CACTIN: variants seen among roughly 807,000 people sequenced by gnomAD.
The protein encoded by CACTIN is cactin, spliceosome C complex subunit, also known as splicing factor Cactin.
A neutral mutation model predicts 84.9 loss-of-function variants in CACTIN; 20 were observed. The observed-to-expected ratio is 0.24, with a 90% CI of 0.17 to 0.34. CACTIN has a LOEUF of 0.34. Among genes scored for constraint, CACTIN ranks in the 10% least tolerant of loss-of-function variants. The probability of loss-of-function intolerance (pLI) is 1.00; values close to 1 mark genes in which losing one functional copy is unlikely to be tolerated. For synonymous variants in CACTIN, 549 were observed against 467.9 expected (o/e 1.17, Z -2.24); for missense variants, 897 against 1,117.2 (o/e 0.80, Z 2.81).
intron 1 of CACTIN, among the ~76,000 whole-genome samples, chr19:3,626,014 G>C (rs1445424088): frequency 6.6e-6 from 1 of 152,064 alleles, no homozygotes; most frequent in East Asian, 1.9e-4. Flanking sequence ...CCCTCCCACA[G>C]CCCACCTCCA....
rs941191891 is a variant in CACTIN, at chr19:3,612,718, C to T, written c.1787-305G>A. ...GGCCTGGCTGCGGGATCCAGCCCCA[C>T]GCATGACCCCCGAGGGGGTCCTGGC... On this transcript the variant is annotated intron_variant, in intron 9 of 9. Coordinates refer to ENST00000429344, the MANE Select transcript of CACTIN (RefSeq NM_001080543.2). 4.4e-5 allele frequency: 31 copies of T among 696,986 alleles called. No individual in the cohort carries two copies. In the African/African-American group the frequency reaches 4.5e-4, roughly 10 times the overall value. 43.2% of individuals were successfully genotyped at this position (696,986 alleles called of 1,614,324 possible).
At chr19:3,619,621 C>T (rs894131167) in intron 4 of CACTIN, among the ~76,000 whole-genome samples, 3 of 152,158 alleles carry the variant, frequency 2.0e-5, no homozygotes, top group Non-Finnish European at 4.4e-5. Flanking sequence ...CTTGCAACCA[C>T]CTCCTCCCCC....
At position 3,613,170 on chromosome 19, in the gene CACTIN, C is replaced by T. The variant is rs1488928224; in HGVS notation, c.1674G>A (p.Arg558=). 1 of 1,611,142 alleles carries T rather than the reference C, an allele frequency of 6.2e-7. No individual in the cohort carries two copies. The change falls in exon 9 of 10, where the codon AGG becomes AGA. Residue 558 remains arginine, a synonymous_variant. Coordinates refer to ENST00000429344, the MANE Select transcript of CACTIN (RefSeq NM_001080543.2). ...GCGCCGTGAGCAGCCGCGGGCTGTACCTGCCGGCGTCGTAGTCGTCCAGGC... is the reference window on the plus strand; with the variant it reads ...GCGCCGTGAGCAGCCGCGGGCTGTATCTGCCGGCGTCGTAGTCGTCCAGGC... ...QQSLDDYDAG[R]YSPRLLTAHE...
chr19:3,622,404 G>A (rs918934295), intron 2 of CACTIN, among the ~76,000 whole-genome samples: 22 of 149,614 alleles, frequency 1.5e-4, no homozygotes, highest in Non-Finnish European at 3.1e-4. Flanking sequence ...TCTTGCAGAC[G>A]TAGGTAAGAT....
chr19:3,611,591 G>A lies in CACTIN; in HGVS notation c.*332C>T. 4 of 393,166 alleles carry A rather than the reference G, an allele frequency of 1.0e-5. 1 individual carries two copies. Among genetic ancestry groups the A allele is most frequent in the South Asian group, 8.3e-5 (4 of 48,462 alleles). 24.4% of individuals were successfully genotyped at this position (393,166 alleles called of 1,614,324 possible). ...GTGGGCCCCACCCAGCCTGGCTGAG[G>A]GGCGGTGGAGAGTGTCCGCCTGGAC... On this transcript the variant is annotated 3_prime_UTR_variant, in exon 10 of 10. Coordinates refer to ENST00000429344, the MANE Select transcript of CACTIN (RefSeq NM_001080543.2).
At chr19:3,621,378 GCTGT>G (rs2033221429) in intron 2 of CACTIN, among the ~76,000 whole-genome samples, 1 of 152,072 alleles carries the variant, frequency 6.6e-6, no homozygotes, top group Admixed American at 6.5e-5. Flanking sequence ...TCTTCCAGCA[GCTGT>G]CTGAGAGCCT....
intron 9 of CACTIN, chr19:3,612,644 CAAGCGCA>C (rs2032990657): frequency 1.4e-6 from 1 of 722,978 alleles, no homozygotes; most frequent in African/African-American, 1.7e-5. Context: ...GGGTGGGGAC[CAAGCGCA>C]GCGCGCTTCC....
intron 6 of CACTIN, among the ~76,000 whole-genome samples, chr19:3,618,424 A>AG (rs142250312): frequency 0.014 from 2,143 of 150,090 alleles, 51 homozygotes; most frequent in African/African-American, 0.049. Context: ...AACCACACGG[A>AG]GGGGGGGGAA....
chr19:3,614,406 G>A lies in CACTIN; in HGVS notation c.1346C>T (p.Ala449Val), dbSNP rs777040239. The A allele has an allele frequency of 3.8e-6, 6 of 1,578,790 alleles. No homozygotes were observed. The highest frequency in any genetic ancestry group is 1.7e-4 in the Middle Eastern group (1 of 6,028). The change falls in exon 7 of 10, where the codon GCA becomes GTA. Residue 449 changes from alanine (A) to valine (V), a missense_variant. Physicochemically the swap from Ala to Val is moderately conservative, Grantham distance 64. This residue lies in a region of CACTIN where 304 missense variants were observed against 444.3 expected (regional missense o/e 0.68). Coordinates refer to ENST00000429344, the MANE Select transcript of CACTIN (RefSeq NM_001080543.2). Reference sequence around the variant, plus strand: ...CGCACCTAGTGCTCACCGGGCCCGTGCCATGTGGGCACGAAGCTGCTGCAG... The same window carrying A: ...CGCACCTAGTGCTCACCGGGCCCGTACCATGTGGGCACGAAGCTGCTGCAG... ...SLLQQLRAHM[A>V]RARLRERHQD...
At chr19:3,622,961 C>T (rs1214796298) in intron 2 of CACTIN, among the ~76,000 whole-genome samples, 5 of 152,112 alleles carry the variant, frequency 3.3e-5, no homozygotes, top group African/African-American at 9.7e-5. Flanking sequence ...GTGGGCTGGG[C>T]GCAGTGGCTC....
At position 3,614,604 on chromosome 19, in the gene CACTIN, G is replaced by C; in HGVS notation, c.1163-15C>G. The C allele has an allele frequency of 6.3e-7, 1 of 1,579,588 alleles. No individual in the cohort carries two copies. The highest frequency in any genetic ancestry group is 8.6e-7 in the Non-Finnish European group (1 of 1,163,302). ...GCGGCGCTCACCTGCAGCGGGGTGGGGGCATGGGGGGGCGGTTCCACATTT... is the reference window on the plus strand; with the variant it reads ...GCGGCGCTCACCTGCAGCGGGGTGGCGGCATGGGGGGGCGGTTCCACATTT... On this transcript the variant is annotated splice_polypyrimidine_tract_variant and intron_variant, in intron 6 of 9. Transcript: ENST00000429344.
chr19:3,620,680 T>C, intron 3 of CACTIN, 27 bp downstream of exon 3: 1 of 1,582,102 alleles, frequency 6.3e-7, no homozygotes, highest in Non-Finnish European at 8.6e-7. Flanking sequence ...GGGAGGGCCC[T>C]GCCCAGTGGG....
rs1220567992 is a variant in CACTIN, at chr19:3,611,707, G to C, written c.*216C>G. 1 of 657,298 alleles carries C rather than the reference G, an allele frequency of 1.5e-6. No homozygotes were observed. The highest frequency in any genetic ancestry group is 1.7e-5 in the South Asian group (1 of 57,386). 40.7% of individuals were successfully genotyped at this position (657,298 alleles called of 1,614,324 possible). Reference sequence around the variant, plus strand: ...TTGCATCAGGACCCTAGGCCAGCCTGTCCCAGTGTCTCCTCAGCTCACCAT... The same window carrying C: ...TTGCATCAGGACCCTAGGCCAGCCTCTCCCAGTGTCTCCTCAGCTCACCAT... On this transcript the variant is annotated 3_prime_UTR_variant, in exon 10 of 10. Coordinates refer to ENST00000429344, the MANE Select transcript of CACTIN (RefSeq NM_001080543.2).
chr19:3,618,760 T>A (rs1367276412), intron 6 of CACTIN, 115 bp downstream of exon 6: 3 of 833,692 alleles, frequency 3.6e-6, no homozygotes, highest in Non-Finnish European at 5.5e-6. Flanking sequence ...GAGGCCCCAG[T>A]TGGGGAAACC....
At chr19:3,617,355 G>C (rs572158579) in intron 6 of CACTIN, among the ~76,000 whole-genome samples, 1 of 152,332 alleles carries the variant, frequency 6.6e-6, no homozygotes, top group East Asian at 1.9e-4. Flanking sequence ...GTCTCCAGGG[G>C]GACAGCAAAG....
intron 6 of CACTIN, chr19:3,614,863 G>T (rs1209466849): frequency 7.7e-6 from 4 of 520,878 alleles, no homozygotes; most frequent in Admixed American, 3.2e-5. Context: ...GGGAGGCCAG[G>T]ACTGGCCCTG....
chr19:3,626,676 G>C lies in CACTIN; in HGVS notation c.87C>G (p.Ser29Arg), dbSNP rs749900957. The C allele has an allele frequency of 6.5e-7, 1 of 1,528,452 alleles. No homozygotes were observed. Among genetic ancestry groups the C allele is most frequent in the Admixed American group, 1.9e-5 (1 of 52,256 alleles). The allele number at this position is 1,528,452 out of a possible 1,614,324, so 94.7% of individuals were successfully genotyped here. Residue 29 changes from serine to arginine, a missense_variant, in exon 1 of 10, where the codon AGC becomes AGG. By Grantham distance (110) the Ser-to-Arg change is moderately radical (BLOSUM62 -1). Around this residue, in one of 8 missense-constraint regions of CACTIN, gnomAD observed 261 missense variants for 243.8 expected, o/e 1.07. Transcript: ENST00000429344. ...RQSQSGSRSR[S>R]RSHGRRNRRR... is the part of the protein sequence containing the mutation. ...GTCGGTTTCGCCGCCCATGGCTCCTGCTCCGACTTCGGCTCCCGCTCTGAC... is the reference window on the plus strand; with the variant it reads ...GTCGGTTTCGCCGCCCATGGCTCCTCCTCCGACTTCGGCTCCCGCTCTGAC...
chr19:3,624,365 C>A (rs1230134187), intron 1 of CACTIN, among the ~76,000 whole-genome samples: 1 of 152,236 alleles, frequency 6.6e-6, no homozygotes, highest in Admixed American at 6.5e-5. Flanking sequence ...AAACACACCA[C>A]GCAACACTAG....
Position 3,612,100 on chromosome 19 carries a change from G to A in CACTIN, c.2100C>T (p.Ala700=), listed in dbSNP as rs753011267. The change falls in exon 10 of 10, where the codon GCC becomes GCT. Residue 700 remains alanine (A), a synonymous_variant. Transcript: ENST00000429344. ...STPEYFLEAC[A]DNKDFAILRF... ...GCAGGATGGCGAAATCCTTGTTGTCGGCGCAGGCCTCCAGGAAGTACTCGG... is the reference window on the plus strand; with the variant it reads ...GCAGGATGGCGAAATCCTTGTTGTCAGCGCAGGCCTCCAGGAAGTACTCGG... 7 of 1,613,826 alleles carry A rather than the reference G, an allele frequency of 4.3e-6. 1 individual carries two copies. Among genetic ancestry groups the A allele is most frequent in the South Asian group, 3.3e-5 (3 of 91,092 alleles).
Sources: gnomAD v4.1 joint callset for allele counts (sites outside exome capture counted in the v4.1 genomes callset) on GRCh38, gnomAD v4.1.1 for gene constraint, gnomAD v4.1.1 regional missense constraint, MANE v1.5 for transcripts, NCBI Gene and HGNC (gene_info 2026-07-23, HGNC 2026-07-21) for gene names.